The following FER variants were observed in gnomAD, a reference collection of about 807,000 sequenced individuals.
FER encodes tyrosine-protein kinase Fer.
In FER, 63 loss-of-function variants were observed where a neutral mutation model predicts 111.0. The ratio of observed to expected loss-of-function variants is 0.57; its 90% confidence interval spans 0.46 to 0.70. FER has a LOEUF of 0.70. Ranked by LOEUF, FER falls within the 30% of genes least tolerant of loss-of-function variation. FER has a pLI of 0.00. For missense variants in FER, 914 were observed against 954.0 expected (o/e 0.96, Z 0.55); for synonymous variants, 327 against 313.9 (o/e 1.04, Z -0.44).
chr5:109,047,327 A>G (rs1018239513), intron 16 of FER, 129 bp downstream of exon 16: 3 of 588,438 alleles, frequency 5.1e-6, no homozygotes, highest in African/African-American at 3.9e-5. Context: ...CCAGATAACA[A>G]AAGAGTCTGT....
chr5:109,149,248 T>G (rs927881556), intron 17 of FER, among the ~76,000 whole-genome samples: 1 of 152,168 alleles, frequency 6.6e-6, no homozygotes, highest in Non-Finnish European at 1.5e-5. Context: ...CACAAATGGC[T>G]CTTCTCTTCT....
At chr5:109,096,847 G>A (rs1747593478) in intron 16 of FER, among the ~76,000 whole-genome samples, 1 of 151,550 alleles carries the variant, frequency 6.6e-6, no homozygotes, top group African/African-American at 2.4e-5. Context: ...GAAAATAGAT[G>A]TTATACAGCA....
At chr5:108,974,325 G>C (rs1262011525) in intron 13 of FER, among the ~76,000 whole-genome samples, 1 of 152,152 alleles carries the variant, frequency 6.6e-6, no homozygotes, top group Non-Finnish European at 1.5e-5. Context: ...AAGGACAAAA[G>C]GTGGGCTGAG....
At chr5:109,175,302 T>C (rs1716929010) in intron 17 of FER, among the ~76,000 whole-genome samples, 1 of 152,218 alleles carries the variant, frequency 6.6e-6, no homozygotes, top group South Asian at 2.1e-4. Context: ...ATATTTCATT[T>C]AATTCTCACA....
At chr5:108,938,022 T>TCACACA (rs1201322146) in intron 10 of FER, among the ~76,000 whole-genome samples, 68 of 77,838 alleles carry the variant, frequency 8.7e-4, no homozygotes, top group African/African-American at 1.2e-3. Context: ...TCCCTATCTC[T>TCACACA]CTCTCACACA....
intron 17 of FER, among the ~76,000 whole-genome samples, chr5:109,159,841 A>G (rs1755811333): frequency 6.6e-6 from 1 of 152,202 alleles, no homozygotes; most frequent in Non-Finnish European, 1.5e-5. Flanking sequence ...CTGCACAAAA[A>G]TAGTCTGTGG....
At chr5:108,844,679 G>A (rs370282213) in intron 5 of FER, among the ~76,000 whole-genome samples, 2 of 151,654 alleles carry the variant, frequency 1.3e-5, no homozygotes, top group East Asian at 2.0e-4. Context: ...CTTCTATCTC[G>A]AGGCAACTAC....
chr5:109,033,246 G>T (rs1769896185), intron 13 of FER, among the ~76,000 whole-genome samples: 1 of 152,086 alleles, frequency 6.6e-6, no homozygotes, highest in Non-Finnish European at 1.5e-5. Flanking sequence ...ATTTGAGAAG[G>T]TTGCAAAAAG....
intron 3 of FER, among the ~76,000 whole-genome samples, chr5:108,828,933 AT>A (rs990237493): frequency 6.6e-6 from 1 of 152,178 alleles, no homozygotes; most frequent in Non-Finnish European, 1.5e-5. Context: ...CCCTGTCTCT[AT>A]TTTTTTAAAA....
chr5:108,991,173 T>C (rs1763120566), intron 13 of FER, among the ~76,000 whole-genome samples: 1 of 151,852 alleles, frequency 6.6e-6, no homozygotes, highest in Non-Finnish European at 1.5e-5. Flanking sequence ...TAAATACCAA[T>C]ATTAGCATAG....
intron 16 of FER, among the ~76,000 whole-genome samples, chr5:109,071,863 T>C (rs529282268): frequency 6.6e-6 from 1 of 151,992 alleles, no homozygotes; most frequent in African/African-American, 2.4e-5. Context: ...AGCCATTAAC[T>C]GTGAAAAGCT....
intron 17 of FER, among the ~76,000 whole-genome samples, chr5:109,176,182 G>A (rs972887512): frequency 2.6e-5 from 4 of 151,912 alleles, no homozygotes; most frequent in African/African-American, 9.7e-5. Context: ...TATATCAAAG[G>A]GATACCTATG....
chr5:108,939,568 G>C (rs1007757178), intron 10 of FER, among the ~76,000 whole-genome samples: 1 of 152,068 alleles, frequency 6.6e-6, no homozygotes, highest in Non-Finnish European at 1.5e-5. Flanking sequence ...ATGTCCTACA[G>C]TGTGACAGTT....
intron 16 of FER, among the ~76,000 whole-genome samples, chr5:109,079,516 A>G (rs1314729846): frequency 6.6e-6 from 1 of 152,162 alleles, no homozygotes; most frequent in Non-Finnish European, 1.5e-5. Context: ...GAGTGAATGA[A>G]TTATAAAACA....
chr5:108,770,333 A>G (rs1290302978), intron 2 of FER, among the ~76,000 whole-genome samples: 3 of 152,216 alleles, frequency 2.0e-5, no homozygotes, highest in Middle Eastern at 3.2e-3. Flanking sequence ...CTATACTTTT[A>G]TACTGAGTTT....
chr5:108,932,365 G>T (rs1754809457), intron 10 of FER, among the ~76,000 whole-genome samples: 1 of 152,022 alleles, frequency 6.6e-6, no homozygotes, highest in South Asian at 2.1e-4. Context: ...CTTTTTTTAT[G>T]GCAGCATAGT....
chr5:109,104,741 TA>T (rs1185474104), intron 17 of FER, among the ~76,000 whole-genome samples: 10 of 152,160 alleles, frequency 6.6e-5, no homozygotes, highest in East Asian at 1.9e-4. Flanking sequence ...ATGAGACCAA[TA>T]TTTTTTTTTC....
chr5:108,845,039 T>TATAC (rs1761843554), intron 5 of FER, among the ~76,000 whole-genome samples: 3 of 52,122 alleles, frequency 5.8e-5, no homozygotes, highest in Admixed American at 2.6e-4. Flanking sequence ...TATATATATA[T>TATAC]ACATATATAT....
intron 1 of FER, among the ~76,000 whole-genome samples, chr5:108,766,930 T>C (rs1391005755): frequency 7.2e-5 from 11 of 152,110 alleles, no homozygotes; most frequent in Non-Finnish European, 1.5e-5. Flanking sequence ...CAAGAAAACC[T>C]CTCAGAAGAG....
Sources: gnomAD v4.1 joint callset for allele counts (sites outside exome capture counted in the v4.1 genomes callset) on GRCh38, gnomAD v4.1.1 for gene constraint, MANE v1.5 for transcripts, NCBI Gene and HGNC (gene_info 2026-07-23, HGNC 2026-07-21) for gene names.